Variants in CTDP1 observed in about 807,000 individuals in gnomAD.
The protein encoded by CTDP1 is RNA polymerase II subunit A C-terminal domain phosphatase.
In CTDP1, 47 loss-of-function variants were observed where a neutral mutation model predicts 91.8. That is an observed-to-expected ratio of 0.51 (90% CI 0.41 to 0.65). CTDP1 has a LOEUF of 0.65. Among genes scored for constraint, CTDP1 ranks in the 30% least tolerant of loss-of-function variants. CTDP1 has a pLI of 0.00. For missense variants in CTDP1, 1,272 were observed against 1,373.7 expected, an observed-to-expected ratio of 0.93 and a Z score of 1.17; for synonymous variants, 656 against 598.5, an observed-to-expected ratio of 1.10 and a Z score of -1.40.
At chr18:79,706,552 C>T (rs186412176) in intron 5 of CTDP1, among the ~76,000 whole-genome samples, 10 of 152,120 alleles carry the variant, frequency 6.6e-5, no homozygotes, top group Non-Finnish European at 1.2e-4. Flanking sequence ...GTCCCCTATT[C>T]TCTGGTTTTT....
rs200017360 is a variant in CTDP1, at chr18:79,734,378, C to T, written c.2581-1977C>T. ...TCGTTCCCACATCAGTGTGTTTACA[C>T]GAGTCAGGCAGAAAGAGGGAGAGGA... is the stretch of plus-strand genomic sequence containing the variant. On this transcript the variant is annotated intron_variant, in intron 11 of 12. Coordinates refer to ENST00000613122, the MANE Select transcript of CTDP1 (RefSeq NM_004715.5). Among the ~76,000 whole-genome samples the T allele has an allele frequency of 9.2e-5, 14 of 152,240 alleles. No homozygotes were observed. The East Asian group carries it at 1.3e-3, about 15-fold the overall frequency.
chr18:79,748,695 A>G (rs2086930083), intron 12 of CTDP1, among the ~76,000 whole-genome samples: 1 of 152,220 alleles, frequency 6.6e-6, no homozygotes, highest in African/African-American at 2.4e-5. Context: ...AACTGTTCCC[A>G]GCGAATGCCA....
At chr18:79,681,637 G>A (rs1023390285) in intron 1 of CTDP1, 3 of 226,726 alleles carry the variant, frequency 1.3e-5, no homozygotes, top group Non-Finnish European at 2.2e-5. Context: ...TTGATGACGG[G>A]TTCCCAGCAG....
Position 79,735,891 on chromosome 18 carries a change from C to T in CTDP1, c.2581-464C>T, listed in dbSNP as rs185189496. On this transcript the variant is annotated intron_variant, in intron 11 of 12. Coordinates refer to ENST00000613122, the MANE Select transcript of CTDP1 (RefSeq NM_004715.5). ...GCGAGCGGGTGGACATCTTAGCGAG[C>T]GTCCCTGTGGCACGGCCACGTCTCC... The T allele has an allele frequency of 1.4e-4, 27 of 190,430 alleles. 1 individual carries two copies. In the Middle Eastern group the frequency reaches 0.013, roughly 91 times the overall value. 11.8% of individuals were successfully genotyped at this position (190,430 alleles called of 1,614,324 possible). A position where few individuals can be genotyped will look rare whatever the true frequency, so the allele number is the denominator to read the frequency against.
At chr18:79,689,523 C>T (rs1435016483) in intron 1 of CTDP1, among the ~76,000 whole-genome samples, 5 of 152,170 alleles carry the variant, frequency 3.3e-5, no homozygotes, top group East Asian at 1.9e-4. Context: ...TAGTGGCTCA[C>T]GCCTGTAATC....
chr18:79,750,042 G>T (rs2086965271), intron 12 of CTDP1: 1 of 151,892 alleles, frequency 6.6e-6, no homozygotes, highest in South Asian at 2.1e-4. Flanking sequence ...GCGGTGCCCA[G>T]CCCAACACAG....
upstream of CTDP1, chr18:79,679,143 A>G (rs2085297092): frequency 3.3e-6 from 1 of 301,524 alleles, no homozygotes; most frequent in Admixed American, 4.7e-5. Context: ...TGAACCAACC[A>G]GGCGCTTCCG....
At chr18:79,710,479 T>C in intron 6 of CTDP1, 43 bp downstream of exon 6, 1 of 1,392,968 alleles carries the variant, frequency 7.2e-7, no homozygotes, top group Admixed American at 1.7e-5. Context: ...TCGCTGTTCA[T>C]TTCCCATTTC....
At chr18:79,690,286 C>A (rs963196943) in intron 1 of CTDP1, among the ~76,000 whole-genome samples, 2 of 152,140 alleles carry the variant, frequency 1.3e-5, no homozygotes, top group African/African-American at 4.8e-5. Flanking sequence ...AGCTGAGAGG[C>A]CAGAACCCCA....
intron 10 of CTDP1, among the ~76,000 whole-genome samples, chr18:79,719,237 C>G (rs2086283956): frequency 6.6e-6 from 1 of 152,220 alleles, no homozygotes; most frequent in Admixed American, 6.5e-5. Flanking sequence ...GCGTGTGCCC[C>G]TCTCGGCTGA....
chr18:79,740,896 C>G (rs894952505), intron 12 of CTDP1, among the ~76,000 whole-genome samples: 1 of 152,256 alleles, frequency 6.6e-6, no homozygotes, highest in Non-Finnish European at 1.5e-5. Flanking sequence ...AAGGATCTCA[C>G]AGACACATCG....
At position 79,717,870 on chromosome 18, in the gene CTDP1, C is replaced by G. The variant is rs758582170; in HGVS notation, c.2271C>G (p.His757Gln). The G allele has an allele frequency of 6.2e-7, 1 of 1,613,660 alleles. No homozygotes were observed. Among genetic ancestry groups the G allele is most frequent in the Non-Finnish European group, 8.5e-7 (1 of 1,180,012 alleles). Residue 757 changes from histidine (H) to glutamine (Q), a missense_variant, in exon 10 of 13, where the codon CAC (histidine) becomes CAG (glutamine). By Grantham distance (24) the His-to-Gln change is conservative. Transcript: ENST00000613122. Reference sequence around the variant, plus strand: ...GTGTGCCCCCCACCGCCTTGTTCCACCCGATGCCGGTTCTTCCCAAGGCCC... The same window carrying G: ...GTGTGCCCCCCACCGCCTTGTTCCAGCCGATGCCGGTTCTTCCCAAGGCCC... The part of the protein sequence containing the change: ...REGVPPTALF[H>Q]PMPVLPKAQP...
At chr18:79,743,666 A>G (rs1221340515) in intron 12 of CTDP1, among the ~76,000 whole-genome samples, 1 of 152,226 alleles carries the variant, frequency 6.6e-6, no homozygotes, top group Non-Finnish European at 1.5e-5. Flanking sequence ...AGTGAAGCAC[A>G]AAGTGAGGAG....
intron 8 of CTDP1, 60 bp from the exon 9 acceptor site, chr18:79,717,475 T>C: frequency 6.2e-7 from 1 of 1,605,470 alleles, no homozygotes; most frequent in Non-Finnish European, 8.5e-7. Context: ...TGCAGCCGGA[T>C]GTGGGCCCTG....
intron 10 of CTDP1, among the ~76,000 whole-genome samples, chr18:79,719,442 A>G (rs990310145): frequency 1.3e-5 from 2 of 152,060 alleles, no homozygotes; most frequent in South Asian, 4.1e-4. Context: ...CTCCATTCTG[A>G]TGACAGGGAA....
intron 12 of CTDP1, among the ~76,000 whole-genome samples, chr18:79,736,888 G>A (rs1022531389): frequency 2.0e-4 from 21 of 104,706 alleles, no homozygotes; most frequent in African/African-American, 5.4e-4. Flanking sequence ...GCGCACAGGC[G>A]TGTGTGGGTT....
intron 1 of CTDP1, among the ~76,000 whole-genome samples, chr18:79,693,338 T>A (rs1368845878): frequency 1.3e-5 from 2 of 152,134 alleles, no homozygotes; most frequent in African/African-American, 4.8e-5. Context: ...ACTCTAATCA[T>A]TCATTGTAAA....
chr18:79,711,187 C>T (rs771042263), intron 6 of CTDP1, among the ~76,000 whole-genome samples: 5 of 152,024 alleles, frequency 3.3e-5, no homozygotes, highest in African/African-American at 9.7e-5. Flanking sequence ...CTCTGTCAGA[C>T]GGCACTGATT....
At chr18:79,700,317 T>C (rs895303292) in intron 4 of CTDP1, among the ~76,000 whole-genome samples, 5 of 152,206 alleles carry the variant, frequency 3.3e-5, no homozygotes, top group African/African-American at 1.2e-4. Flanking sequence ...CCTCTTGCAC[T>C]AAACAGCCAA....
Sources: allele counts gnomAD v4.1 joint callset (sites outside exome capture counted in the v4.1 genomes callset), GRCh38; gene constraint gnomAD v4.1.1; transcripts MANE v1.5; gene names NCBI Gene and HGNC (gene_info 2026-07-23, HGNC 2026-07-21).